DST: variants seen among roughly 807,000 people sequenced by gnomAD.
The protein encoded by DST is dystonin.
A neutral mutation model predicts 875.2 loss-of-function variants in DST; 253 were observed. The ratio of observed to expected loss-of-function variants is 0.29; its 90% CI spans 0.26 to 0.32. The LOEUF is 0.32. DST is among the 10% of genes least tolerant of loss of function. The pLI is 1.00. For synonymous variants in DST, 3,124 were observed against 3,197.1 expected, an observed-to-expected ratio of 0.98 and a Z score of 0.77; for missense variants, 8,287 against 9,111.6, an observed-to-expected ratio of 0.91 and a Z score of 3.68.
intron 4 of DST, among the ~76,000 whole-genome samples, chr6:56,764,855 G>A (rs1340350741): frequency 6.6e-6 from 1 of 152,036 alleles, no homozygotes; most frequent in Non-Finnish European, 1.5e-5. Flanking sequence ...TACTCGGGAG[G>A]CTGAGGCAGG....
chr6:56,686,770 C>G (rs998761865), intron 9 of DST, among the ~76,000 whole-genome samples: 1 of 152,182 alleles, frequency 6.6e-6, no homozygotes, highest in Non-Finnish European at 1.5e-5. Context: ...GTTTTGAAAA[C>G]TTACAGAATT....
intron 87 of DST, among the ~76,000 whole-genome samples, chr6:56,485,781 A>G (rs574163612): frequency 6.6e-6 from 1 of 152,286 alleles, no homozygotes; most frequent in South Asian, 2.1e-4. Context: ...GTTTTAGATT[A>G]TCAGGCAGTA....
chr6:56,582,613 T>TA (rs61611627), intron 49 of DST, among the ~76,000 whole-genome samples: 7 of 151,092 alleles, frequency 4.6e-5, no homozygotes, highest in African/African-American at 7.4e-5. Flanking sequence ...TTTTTTTTTT[T>TA]ATTAAAGTTT....
intron 4 of DST, among the ~76,000 whole-genome samples, chr6:56,782,978 G>T (rs1029177899): frequency 3.0e-4 from 46 of 152,012 alleles, no homozygotes; most frequent in Admixed American, 1.3e-4. Flanking sequence ...CATTTCGTTA[G>T]GTACCCAGTA....
At chr6:56,667,562 A>G (rs1314271241) in intron 10 of DST, among the ~76,000 whole-genome samples, 2 of 152,196 alleles carry the variant, frequency 1.3e-5, no homozygotes, top group African/African-American at 4.8e-5. Flanking sequence ...TAAACCTGAT[A>G]TATGGTATTT....
intron 80 of DST, among the ~76,000 whole-genome samples, chr6:56,499,907 G>A (rs911773888): frequency 1.3e-5 from 2 of 152,086 alleles, no homozygotes; most frequent in Non-Finnish European, 2.9e-5. Context: ...AGGGCTTTAA[G>A]CAAATGTATA....
At chr6:56,618,251 C>G (rs1451954078) in intron 36 of DST, 2 of 1,614,060 alleles carry the variant, frequency 1.2e-6, no homozygotes, top group East Asian at 2.2e-5. Flanking sequence ...TTCAACAACC[C>G]GATGCTGCCA....
At chr6:56,953,582 G>C (rs1030364555) in intron 2 of DST, among the ~76,000 whole-genome samples, 9 of 152,136 alleles carry the variant, frequency 5.9e-5, no homozygotes, top group Non-Finnish European at 1.3e-4. Flanking sequence ...TTGTACAACA[G>C]CTCCACTACA....
intron 4 of DST, among the ~76,000 whole-genome samples, chr6:56,752,992 T>C (rs576932047): frequency 6.6e-6 from 1 of 152,100 alleles, no homozygotes; most frequent in Non-Finnish European, 1.5e-5. Context: ...GGTTTCTCCA[T>C]GTTGGTCAGG....
intron 9 of DST, among the ~76,000 whole-genome samples, chr6:56,692,041 C>G (rs1272905095): frequency 1.3e-5 from 2 of 152,158 alleles, no homozygotes; most frequent in African/African-American, 4.8e-5. Flanking sequence ...CTTTTACCTA[C>G]AGTCCAACTA....
chr6:56,783,702 T>C (rs1013983083), intron 4 of DST, among the ~76,000 whole-genome samples: 1 of 152,160 alleles, frequency 6.6e-6, no homozygotes. Context: ...TGTCTTTTAA[T>C]TGGAGCATTT....
Position 56,605,138 on chromosome 6 carries a change from T to TATTC in DST, c.9486_9489dup (p.Thr3164GlufsTer5). 1 of 1,612,538 alleles carries TATTC rather than the reference T, an allele frequency of 6.2e-7. No individual in the cohort carries two copies. Among genetic ancestry groups the TATTC allele is most frequent in the Non-Finnish European group, 8.5e-7 (1 of 1,179,184 alleles). On this transcript the variant is annotated frameshift_variant, in exon 40 of 104. Transcript: ENST00000680361. LOFTEE classifies it high-confidence loss of function. ...TCAGTGAATGACTCCTCAAAATGTG[T>TATTC]ATTCCCTTCCCACGATGTAATGTCT...
chr6:56,815,287 T>C lies in DST; in HGVS notation c.625+36110A>G, dbSNP rs189414323. Among the ~76,000 whole-genome samples, 14 of 152,316 alleles carry C rather than the reference T, an allele frequency of 9.2e-5. No individual in the cohort carries two copies. In the East Asian group the frequency reaches 2.3e-3, roughly 25 times the overall value. On this transcript the variant is annotated intron_variant, in intron 4 of 103. Transcript: ENST00000680361. Reference sequence around the variant, plus strand: ...GGCCAATGCACACAGCTTCCTATAATGTGCAGTATATATAAGACTTGTTTT... The same window carrying C: ...GGCCAATGCACACAGCTTCCTATAACGTGCAGTATATATAAGACTTGTTTT...
chr6:56,540,999 G>T (rs1387871639), intron 61 of DST: 1 of 152,520 alleles, frequency 6.6e-6, no homozygotes, highest in Non-Finnish European at 1.5e-5. Flanking sequence ...TCTGCTGGAG[G>T]GCTACATAAA....
intron 9 of DST, among the ~76,000 whole-genome samples, chr6:56,686,287 G>T (rs945941220): frequency 6.6e-6 from 1 of 152,120 alleles, no homozygotes; most frequent in African/African-American, 2.4e-5. Flanking sequence ...AATAAACACT[G>T]GGTATTCCAA....
chr6:56,831,196 T>C (rs561500738), intron 4 of DST, among the ~76,000 whole-genome samples: 1 of 152,352 alleles, frequency 6.6e-6, no homozygotes, highest in African/African-American at 2.4e-5. Context: ...TGCTGAGCCA[T>C]GGCTAAAACT....
chr6:56,525,655 T>C (rs927118200), intron 69 of DST, among the ~76,000 whole-genome samples: 4 of 152,196 alleles, frequency 2.6e-5, no homozygotes, highest in African/African-American at 7.2e-5. Context: ...CACATAAACT[T>C]TGTAGTAACT....
intron 9 of DST, among the ~76,000 whole-genome samples, chr6:56,692,181 A>C (rs2152860377): frequency 6.6e-6 from 1 of 152,354 alleles, no homozygotes; most frequent in East Asian, 1.9e-4. Flanking sequence ...GGATTTTTAG[A>C]TTAAAGTGTG....
chr6:56,927,998 T>C (rs1808087426), intron 2 of DST, among the ~76,000 whole-genome samples: 2 of 152,058 alleles, frequency 1.3e-5, no homozygotes, highest in Non-Finnish European at 2.9e-5. Context: ...GGCTCAGACC[T>C]GTGAGAAGGG....
Sources: allele counts gnomAD v4.1 joint callset (sites outside exome capture counted in the v4.1 genomes callset), GRCh38; gene constraint gnomAD v4.1.1; transcripts MANE v1.5; gene names NCBI Gene and HGNC (gene_info 2026-07-23, HGNC 2026-07-21).